Variants in KAT6B observed in about 807,000 individuals in gnomAD.
KAT6B encodes histone acetyltransferase KAT6B.
In KAT6B, 10 loss-of-function variants were observed where a neutral mutation model predicts 187.5. That is an observed-to-expected ratio of 0.05 (90% CI 0.03 to 0.09). KAT6B has a LOEUF of 0.09. Ranked by LOEUF, KAT6B falls within the 10% of genes least tolerant of loss-of-function variation. The pLI is 1.00. For synonymous variants in KAT6B, 861 were observed against 926.8 expected, an observed-to-expected ratio of 0.93 and a Z score of 1.29; for missense variants, 1,952 against 2,558.9, an observed-to-expected ratio of 0.76 and a Z score of 5.12.
intron 13 of KAT6B, among the ~76,000 whole-genome samples, chr10:75,016,859 C>CTTTTTT (rs11323524): frequency 1.5e-5 from 1 of 68,750 alleles, no homozygotes; most frequent in African/African-American, 5.5e-5. Flanking sequence ...AAGATAAGTG[C>CTTTTTT]TTTTTTTTTT....
At chr10:74,921,090 T>C (rs1848076351) in intron 3 of KAT6B, among the ~76,000 whole-genome samples, 1 of 151,550 alleles carries the variant, frequency 6.6e-6, no homozygotes, top group Non-Finnish European at 1.5e-5. Flanking sequence ...CTAATGTGTA[T>C]GGGTCACTGT....
At chr10:74,833,098 G>A (rs1164515540) in intron 1 of KAT6B, among the ~76,000 whole-genome samples, 1 of 132,620 alleles carries the variant, frequency 7.5e-6, no homozygotes, top group African/African-American at 2.9e-5. Flanking sequence ...TCACGCCATT[G>A]CACTCCAGCC....
intron 13 of KAT6B, among the ~76,000 whole-genome samples, chr10:75,012,615 CAG>C (rs1339529050): frequency 1.3e-5 from 2 of 152,196 alleles, no homozygotes; most frequent in African/African-American, 2.4e-5. Context: ...CTTCTCAACA[CAG>C]GGGCGGTGCA....
Position 74,871,722 on chromosome 10 carries a change from A to G in KAT6B, c.621+28244A>G, listed in dbSNP as rs555760135. Reference sequence around the variant, plus strand: ...CACTCTAAGGGGAGCATTGTGAGGTATACCAAGATGAGTAAGAACAATATG... The same window carrying G: ...CACTCTAAGGGGAGCATTGTGAGGTGTACCAAGATGAGTAAGAACAATATG... On this transcript the variant is annotated intron_variant, in intron 3 of 17. Transcript: ENST00000287239. Among the ~76,000 whole-genome samples the G allele has an allele frequency of 1.1e-4, 17 of 152,326 alleles. No individual in the cohort carries two copies. In the East Asian group the frequency reaches 2.3e-3, roughly 21 times the overall value.
At position 74,853,888 on chromosome 10, in the gene KAT6B, C is replaced by T. The variant is rs185770614; in HGVS notation, c.621+10410C>T. ...TTGTGATCTGCCCACCTCGGCCTCC[C>T]AAAGTGCTGGGATTAGAGGCATGCC... On this transcript the variant is annotated intron_variant, in intron 3 of 17. Transcript: ENST00000287239. Among the ~76,000 whole-genome samples the T allele has an allele frequency of 7.2e-4, 110 of 152,286 alleles. 1 individual carries two copies. The East Asian group carries it at 0.019, about 27-fold the overall frequency.
chr10:74,919,866 G>A (rs1451917256), intron 3 of KAT6B, among the ~76,000 whole-genome samples: 1 of 152,140 alleles, frequency 6.6e-6, no homozygotes, highest in Non-Finnish European at 1.5e-5. Context: ...TCTGTCATTA[G>A]TTATAGAATT....
At chr10:75,012,184 A>T (rs1362674964) in intron 13 of KAT6B, among the ~76,000 whole-genome samples, 13 of 152,162 alleles carry the variant, frequency 8.5e-5, no homozygotes, top group Non-Finnish European at 1.5e-5. Context: ...GCAATGGCTC[A>T]CACCTGTAAT....
chr10:74,924,895 A>ATT (rs968584696), intron 3 of KAT6B, among the ~76,000 whole-genome samples: 1 of 147,306 alleles, frequency 6.8e-6, no homozygotes, highest in African/African-American at 2.5e-5. Flanking sequence ...GCTATACTGA[A>ATT]TTTTTTTTTT....
chr10:74,995,145 T>G (rs1843346870), intron 13 of KAT6B, among the ~76,000 whole-genome samples: 1 of 152,194 alleles, frequency 6.6e-6, no homozygotes, highest in Non-Finnish European at 1.5e-5. Context: ...CAGTAAGTAG[T>G]TTCAGAATTA....
intron 9 of KAT6B, among the ~76,000 whole-genome samples, chr10:74,978,675 C>G (rs1319417506): frequency 1.3e-5 from 2 of 152,158 alleles, no homozygotes; most frequent in African/African-American, 4.8e-5. Context: ...AGGCAGAGTT[C>G]TTAACCTCGT....
At chr10:74,846,949 G>A (rs563372374) in intron 3 of KAT6B, among the ~76,000 whole-genome samples, 2 of 152,288 alleles carry the variant, frequency 1.3e-5, no homozygotes, top group East Asian at 3.9e-4. Flanking sequence ...TGATCCAGGG[G>A]ATACTTTTTA....
intron 3 of KAT6B, among the ~76,000 whole-genome samples, chr10:74,941,660 C>T (rs2133292645): frequency 6.6e-6 from 1 of 152,166 alleles, no homozygotes; most frequent in South Asian, 2.1e-4. Context: ...AGGTCTATAG[C>T]GAGCAAAGAA....
At chr10:74,992,231 G>C (rs1843162276) in intron 13 of KAT6B, among the ~76,000 whole-genome samples, 1 of 152,126 alleles carries the variant, frequency 6.6e-6, no homozygotes. Context: ...ATACGAGCAG[G>C]GAGAAAGATA....
intron 3 of KAT6B, among the ~76,000 whole-genome samples, chr10:74,918,968 A>G (rs944412391): frequency 6.6e-5 from 10 of 152,230 alleles, no homozygotes; most frequent in Admixed American, 3.9e-4. Flanking sequence ...TTGTAATCCT[A>G]GCACTTTGGG....
At chr10:74,830,752 A>ATATATATATATATG (rs1313299462) in intron 1 of KAT6B, among the ~76,000 whole-genome samples, 2 of 22,534 alleles carry the variant, frequency 8.9e-5, no homozygotes, top group African/African-American at 6.5e-4. Context: ...ATATATATAT[A>ATATATATATATATG]TATATATATA....
In KAT6B at chr10:74,981,790, A is replaced by G. The variant is rs762041713; in HGVS notation, c.2235A>G (p.Leu745=). ...TATGATTTTTAAACTTTAACAGATTACCAAAGCTTTACCTGTGTGAATTCT... is the reference window on the plus strand; with the variant it reads ...TATGATTTTTAAACTTTAACAGATTGCCAAAGCTTTACCTGTGTGAATTCT... ...SSPYPQEYAR[L]PKLYLCEFCL... is the part of the protein sequence containing the mutation. Residue 745 remains leucine, a synonymous_variant, in exon 11 of 18, where the codon TTA becomes TTG. Coordinates refer to ENST00000287239, the MANE Select transcript of KAT6B (RefSeq NM_012330.4). The G allele has an allele frequency of 7.2e-6, 11 of 1,521,428 alleles. No individual in the cohort carries two copies. Among genetic ancestry groups the G allele is most frequent in the Non-Finnish European group, 9.1e-7 (1 of 1,096,726 alleles). The allele number at this position is 1,521,428 out of a possible 1,614,324, so 94.2% of individuals were successfully genotyped here. A position where few individuals can be genotyped will look rare whatever the true frequency, so the allele number is the denominator to read the frequency against.
At chr10:74,917,474 CCTTT>C (rs1319058769) in intron 3 of KAT6B, among the ~76,000 whole-genome samples, 7 of 152,156 alleles carry the variant, frequency 4.6e-5, no homozygotes, top group Non-Finnish European at 1.0e-4. Flanking sequence ...AGATTCTAAT[CCTTT>C]CTTTGTCTTT....
intron 3 of KAT6B, among the ~76,000 whole-genome samples, chr10:74,940,532 C>T (rs1849593781): frequency 6.6e-6 from 1 of 151,306 alleles, no homozygotes; most frequent in Admixed American, 6.6e-5. Flanking sequence ...CCTCAGCCTC[C>T]CAGAGTGTTG....
intron 3 of KAT6B, among the ~76,000 whole-genome samples, chr10:74,878,068 G>A (rs977152092): frequency 6.6e-6 from 1 of 152,198 alleles, no homozygotes; most frequent in African/African-American, 2.4e-5. Flanking sequence ...GAAAGGGATG[G>A]CATTAAATCA....
Sources: gnomAD v4.1 joint callset for allele counts (sites outside exome capture counted in the v4.1 genomes callset) on GRCh38, gnomAD v4.1.1 for gene constraint, MANE v1.5 for transcripts, NCBI Gene and HGNC (gene_info 2026-07-23, HGNC 2026-07-21) for gene names.